Variants in EPB41L2 observed in about 807,000 individuals in gnomAD.
EPB41L2 encodes band 4.1-like protein 2.
Under a neutral mutation model 113.0 loss-of-function variants are expected in EPB41L2, and 43 were observed. The observed-to-expected ratio is 0.38, with a 90% CI of 0.30 to 0.49. The LOEUF (loss-of-function observed/expected upper bound fraction) is 0.49. Ranked by LOEUF, EPB41L2 falls within the 20% of genes least tolerant of loss-of-function variation. EPB41L2 has a pLI of 0.95. For synonymous variants in EPB41L2, 442 were observed against 436.7 expected (o/e 1.01, Z -0.15); for missense variants, 1,147 against 1,223.4 (o/e 0.94, Z 0.93).
intron 8 of EPB41L2, among the ~76,000 whole-genome samples, chr6:130,898,741 T>C (rs1350876851): frequency 2.6e-5 from 4 of 152,232 alleles, no homozygotes; most frequent in African/African-American, 9.6e-5. Context: ...TAATTTATCG[T>C]GTAAAGTGGC....
At chr6:130,989,255 C>A (rs1483909249) in intron 1 of EPB41L2, among the ~76,000 whole-genome samples, 1 of 152,200 alleles carries the variant, frequency 6.6e-6, no homozygotes, top group African/African-American at 2.4e-5. Context: ...ACATACTCTT[C>A]TGAACAACCT....
At chr6:130,961,174 T>C (rs6941909) in intron 1 of EPB41L2, among the ~76,000 whole-genome samples, 18,461 of 152,218 alleles carry the variant, frequency 0.12, 1,450 homozygotes, top group African/African-American at 0.2. Flanking sequence ...ATCATTAGTA[T>C]AGTTATATAA....
Position 130,926,590 on chromosome 6 carries a change from C to A in EPB41L2, c.810+15G>T, listed in dbSNP as rs763958537. The A allele has an allele frequency of 1.3e-6, 2 of 1,530,400 alleles. No individual in the cohort carries two copies. Among genetic ancestry groups the A allele is most frequent in the Non-Finnish European group, 8.9e-7 (1 of 1,117,964 alleles). 94.8% of individuals were successfully genotyped at this position (1,530,400 alleles called of 1,614,324 possible). A position where few individuals can be genotyped will look rare whatever the true frequency, so the allele number is the denominator to read the frequency against. On this transcript the variant is annotated intron_variant, in intron 4 of 19. Coordinates refer to ENST00000337057, the MANE Select transcript of EPB41L2 (RefSeq NM_001431.4). ...TATGTTCTAAAAAGATAAAAATAAA[C>A]TTGAAATCACTTACTTTCTGCTCAG...
chr6:130,858,761 T>G (rs1256425219), intron 18 of EPB41L2, among the ~76,000 whole-genome samples: 1 of 152,252 alleles, frequency 6.6e-6, no homozygotes, highest in African/African-American at 2.4e-5. Flanking sequence ...AGTAATTGTT[T>G]GAACTAAAAT....
In EPB41L2 at chr6:130,956,166, A is replaced by G; in HGVS notation, c.320T>C (p.Val107Ala). Residue 107 changes from valine to alanine, a missense_variant, in exon 2 of 20, where the codon GTT (valine) becomes GCT (alanine). Transcript: ENST00000337057. ...CTCTTTATCTAAGACCTGTTCTTCAACAACAGCTTGGGTAGGCTCTTTTTT... is the reference window on the plus strand; with the variant it reads ...CTCTTTATCTAAGACCTGTTCTTCAGCAACAGCTTGGGTAGGCTCTTTTTT... ...GDKKEPTQAVVEEQVLDKEEP... is the reference protein window; with the variant it reads ...GDKKEPTQAVAEEQVLDKEEP... The G allele has an allele frequency of 6.2e-7, 1 of 1,614,156 alleles. No individual in the cohort carries two copies. The highest frequency in any genetic ancestry group is 2.2e-5 in the East Asian group (1 of 44,880).
intron 11 of EPB41L2, among the ~76,000 whole-genome samples, chr6:130,889,294 T>C (rs1792029404): frequency 6.6e-6 from 1 of 152,002 alleles, no homozygotes; most frequent in Non-Finnish European, 1.5e-5. Context: ...GGCATTCTAA[T>C]ATAAATTTAA....
At chr6:130,965,996 C>G (rs1341973611) in intron 1 of EPB41L2, among the ~76,000 whole-genome samples, 1 of 151,246 alleles carries the variant, frequency 6.6e-6, no homozygotes, top group African/African-American at 2.4e-5. Flanking sequence ...TTGGGCCACA[C>G]ATAAAATACA....
intron 1 of EPB41L2, among the ~76,000 whole-genome samples, chr6:130,972,478 G>A (rs1777088057): frequency 6.7e-6 from 1 of 149,904 alleles, no homozygotes; most frequent in Admixed American, 6.6e-5. Context: ...AGCACAATCT[G>A]AGAAATAACT....
At chr6:130,955,933 C>CT in intron 2 of EPB41L2, 61 bp downstream of exon 2, 7 of 1,543,176 alleles carry the variant, frequency 4.5e-6, no homozygotes, top group Non-Finnish European at 6.1e-6. Context: ...CAAACAAACC[C>CT]TTTTTATTAT....
chr6:130,988,013 G>C (rs1433173292), intron 1 of EPB41L2, among the ~76,000 whole-genome samples: 1 of 152,040 alleles, frequency 6.6e-6, no homozygotes, highest in Non-Finnish European at 1.5e-5. Context: ...CTACTCAGGA[G>C]GCTGAGGTGG....
chr6:130,905,589 A>AT (rs1481385326), intron 5 of EPB41L2, among the ~76,000 whole-genome samples: 2 of 151,732 alleles, frequency 1.3e-5, no homozygotes, highest in Admixed American at 6.6e-5. Context: ...CGGCTAACTT[A>AT]TTTTTTACTC....
intron 1 of EPB41L2, among the ~76,000 whole-genome samples, chr6:130,970,674 C>A (rs977075866): frequency 6.6e-6 from 1 of 152,132 alleles, no homozygotes; most frequent in African/African-American, 2.4e-5. Flanking sequence ...CTCCATCCTG[C>A]AACTTTGTTT....
At chr6:130,866,966 G>A (rs375292038) in intron 16 of EPB41L2, among the ~76,000 whole-genome samples, 2 of 152,068 alleles carry the variant, frequency 1.3e-5, no homozygotes, top group Middle Eastern at 6.8e-3. Flanking sequence ...GTGTGTGCCT[G>A]TGTGTGTTTG....
intron 1 of EPB41L2, among the ~76,000 whole-genome samples, chr6:131,012,815 A>G (rs1787340011): frequency 6.6e-6 from 1 of 152,226 alleles, no homozygotes. Context: ...CGGAAGTGCA[A>G]CAAAGAAAGA....
At chr6:130,886,084 T>C (rs904646388) in intron 11 of EPB41L2, among the ~76,000 whole-genome samples, 1 of 152,196 alleles carries the variant, frequency 6.6e-6, no homozygotes, top group African/African-American at 2.4e-5. Context: ...ACAACAGAAC[T>C]ACCACAAGGT....
intron 1 of EPB41L2, among the ~76,000 whole-genome samples, chr6:131,032,065 A>C (rs1792267834): frequency 1.3e-5 from 2 of 152,208 alleles, no homozygotes; most frequent in Admixed American, 1.3e-4. Flanking sequence ...ACTCAAAGAA[A>C]TGCTTATCAG....
chr6:131,038,377 A>T (rs1333328391), intron 1 of EPB41L2, among the ~76,000 whole-genome samples: 1 of 152,256 alleles, frequency 6.6e-6, no homozygotes. Flanking sequence ...TGAATGAGAC[A>T]GAAATGATGA....
At chr6:131,023,013 T>C (rs6923182) in intron 1 of EPB41L2, among the ~76,000 whole-genome samples, 26,743 of 152,182 alleles carry the variant, frequency 0.18, 2,578 homozygotes, top group African/African-American at 0.26. Flanking sequence ...TTGGCATCAA[T>C]ATATGTTTGT....
chr6:131,058,800 G>C (rs1320407460), intron 1 of EPB41L2, among the ~76,000 whole-genome samples: 2 of 152,156 alleles, frequency 1.3e-5, no homozygotes, highest in Non-Finnish European at 2.9e-5. Flanking sequence ...TGGATCACTT[G>C]AGGTCAGGAG....
Sources: allele counts gnomAD v4.1 joint callset (sites outside exome capture counted in the v4.1 genomes callset), GRCh38; gene constraint gnomAD v4.1.1; transcripts MANE v1.5; gene names NCBI Gene and HGNC (gene_info 2026-07-23, HGNC 2026-07-21).